CPNE8: variants seen among roughly 807,000 people sequenced by gnomAD.
CPNE8 encodes the protein copine 8.
A neutral mutation model predicts 81.5 loss-of-function variants in CPNE8; 45 were observed. The ratio of observed to expected loss-of-function variants is 0.55; its 90% CI spans 0.44 to 0.71. The LOEUF is 0.71. Among genes scored for constraint, CPNE8 ranks in the 30% least tolerant of loss-of-function variants. The probability of loss-of-function intolerance (pLI) is 0.00; values close to 1 mark genes in which losing one functional copy is unlikely to be tolerated. For synonymous variants in CPNE8, 252 were observed against 226.3 expected, an observed-to-expected ratio of 1.11 and a Z score of -1.02; for missense variants, 594 against 672.1, an observed-to-expected ratio of 0.88 and a Z score of 1.28.
intron 16 of CPNE8, among the ~76,000 whole-genome samples, chr12:38,680,912 G>GA (rs931179898): frequency 2.6e-5 from 4 of 151,530 alleles, no homozygotes; most frequent in South Asian, 2.1e-4. Context: ...CTCAATATCA[G>GA]AAAAAAACAG....
chr12:38,783,076 T>C (rs1287165441), intron 6 of CPNE8, among the ~76,000 whole-genome samples: 2 of 152,194 alleles, frequency 1.3e-5, no homozygotes, highest in African/African-American at 4.8e-5. Context: ...ACTGTATTCT[T>C]ACATTTTGAG....
chr12:38,679,402 T>C (rs961044789), intron 16 of CPNE8, among the ~76,000 whole-genome samples: 6 of 151,924 alleles, frequency 3.9e-5, no homozygotes, highest in African/African-American at 1.4e-4. Context: ...GGAATTTCGC[T>C]GAAGTTTGTT....
At chr12:38,681,945 G>C (rs1157498067) in intron 16 of CPNE8, among the ~76,000 whole-genome samples, 1 of 152,216 alleles carries the variant, frequency 6.6e-6, no homozygotes, top group Non-Finnish European at 1.5e-5. Flanking sequence ...TTTAGGCTGG[G>C]CCCAGTGGCT....
At chr12:38,765,530 T>C (rs1448641462) in intron 8 of CPNE8, among the ~76,000 whole-genome samples, 3 of 152,100 alleles carry the variant, frequency 2.0e-5, no homozygotes, top group African/African-American at 7.2e-5. Context: ...ACAAATACAC[T>C]AGGTATTAGG....
At chr12:38,795,121 G>A (rs904066401) in intron 6 of CPNE8, among the ~76,000 whole-genome samples, 4 of 152,196 alleles carry the variant, frequency 2.6e-5, no homozygotes, top group South Asian at 2.1e-4. Flanking sequence ...TGCATTGTTG[G>A]CTTCCCTACT....
intron 3 of CPNE8, among the ~76,000 whole-genome samples, chr12:38,850,442 A>G (rs1175875105): frequency 6.6e-6 from 1 of 152,214 alleles, no homozygotes; most frequent in African/African-American, 2.4e-5. Flanking sequence ...TATTTCTCAT[A>G]GAATGCTGGC....
chr12:38,797,308 C>T (rs1174407374), intron 6 of CPNE8, among the ~76,000 whole-genome samples: 1 of 152,202 alleles, frequency 6.6e-6, no homozygotes, highest in Non-Finnish European at 1.5e-5. Context: ...CCAGTAGGGG[C>T]AGACTGACAC....
At chr12:38,789,421 C>A (rs993307028) in intron 6 of CPNE8, among the ~76,000 whole-genome samples, 2 of 151,760 alleles carry the variant, frequency 1.3e-5, no homozygotes, top group African/African-American at 4.8e-5. Flanking sequence ...GAAACTAGAC[C>A]CCTATCTTTT....
intron 10 of CPNE8, among the ~76,000 whole-genome samples, chr12:38,749,429 C>A (rs1941305731): frequency 6.6e-6 from 1 of 152,000 alleles, no homozygotes; most frequent in Non-Finnish European, 1.5e-5. Flanking sequence ...GTGGAAACGA[C>A]TTTGGAACTG....
At chr12:38,775,803 T>C (rs1941921597) in intron 7 of CPNE8, among the ~76,000 whole-genome samples, 1 of 152,196 alleles carries the variant, frequency 6.6e-6, no homozygotes, top group African/African-American at 2.4e-5. Context: ...CCAATATAAA[T>C]TCTGGATTAA....
At chr12:38,773,081 T>C (rs1426216850) in intron 7 of CPNE8, among the ~76,000 whole-genome samples, 1 of 152,076 alleles carries the variant, frequency 6.6e-6, no homozygotes, top group Non-Finnish European at 1.5e-5. Flanking sequence ...TACTACATAT[T>C]GTAACTTACA....
chr12:38,807,971 A>G (rs1942851990), intron 6 of CPNE8, among the ~76,000 whole-genome samples: 1 of 152,132 alleles, frequency 6.6e-6, no homozygotes, highest in South Asian at 2.1e-4. Flanking sequence ...TCAAAAGAAG[A>G]CATTTATGCA....
intron 1 of CPNE8, among the ~76,000 whole-genome samples, chr12:38,878,947 A>G (rs1437284407): frequency 6.6e-6 from 1 of 152,354 alleles, no homozygotes; most frequent in East Asian, 1.9e-4. Flanking sequence ...GGGAGAAAGA[A>G]CAGTAATCTA....
chr12:38,658,925 G>C (rs1278729960), intron 19 of CPNE8, among the ~76,000 whole-genome samples: 1 of 152,138 alleles, frequency 6.6e-6, no homozygotes, highest in East Asian at 1.9e-4. Flanking sequence ...GGAATAACTT[G>C]TACCAGCCAC....
At chr12:38,751,825 A>T (rs1333806123) in intron 10 of CPNE8, among the ~76,000 whole-genome samples, 1 of 152,214 alleles carries the variant, frequency 6.6e-6, no homozygotes, top group African/African-American at 2.4e-5. Context: ...AATTCACAAT[A>T]GTCCCTTATA....
chr12:38,733,798 T>C (rs1039058409), intron 10 of CPNE8, among the ~76,000 whole-genome samples: 1 of 151,968 alleles, frequency 6.6e-6, no homozygotes, highest in Admixed American at 6.6e-5. Flanking sequence ...AGTAAAGTGA[T>C]TAAACTGTTG....
intron 13 of CPNE8, among the ~76,000 whole-genome samples, chr12:38,713,508 G>A (rs1178031724): frequency 2.6e-5 from 4 of 152,098 alleles, no homozygotes; most frequent in Non-Finnish European, 5.9e-5. Context: ...GAGTAAGATC[G>A]CAAATTGATA....
intron 11 of CPNE8, 87 bp downstream of exon 11, chr12:38,730,196 G>A (rs1187413576): frequency 1.8e-5 from 15 of 815,340 alleles, no homozygotes; most frequent in Admixed American, 1.4e-4. Flanking sequence ...TTAACCTTTG[G>A]CAATTATGCT....
intron 6 of CPNE8, among the ~76,000 whole-genome samples, chr12:38,825,584 G>T (rs1943175342): frequency 6.6e-6 from 1 of 152,154 alleles, no homozygotes; most frequent in Non-Finnish European, 1.5e-5. Flanking sequence ...TTTCATTTGA[G>T]ACTGAGGTAA....
Sources: allele counts gnomAD v4.1 joint callset (sites outside exome capture counted in the v4.1 genomes callset), GRCh38; gene constraint gnomAD v4.1.1; transcripts MANE v1.5; gene names NCBI Gene and HGNC (gene_info 2026-07-23, HGNC 2026-07-21).